The following MITF variants were observed in gnomAD, a reference collection of about 807,000 sequenced individuals.
MITF encodes microphthalmia-associated transcription factor.
Under a neutral mutation model 60.5 loss-of-function variants are expected in MITF, and 17 were observed. The observed-to-expected ratio is 0.28, with a 90% CI of 0.19 to 0.42. The LOEUF (loss-of-function observed/expected upper bound fraction) is 0.42, where lower values mean the gene tolerates loss of function less well. MITF is among the 10% of genes least tolerant of loss of function. The pLI, the probability that MITF is intolerant of heterozygous loss-of-function variation, is 1.00. For missense variants in MITF, 622 were observed against 683.5 expected, an observed-to-expected ratio of 0.91 and a Z score of 1.00; for synonymous variants, 260 against 248.5, an observed-to-expected ratio of 1.05 and a Z score of -0.43.
At chr3:69,858,752 A>G (rs1199935317) in intron 1 of MITF, among the ~76,000 whole-genome samples, 1 of 152,180 alleles carries the variant, frequency 6.6e-6, no homozygotes, top group African/African-American at 2.4e-5. Context: ...CTGAACTTAC[A>G]TGTATTTTGA....
intron 5 of MITF, among the ~76,000 whole-genome samples, chr3:69,943,860 G>T (rs2107498032): frequency 6.6e-6 from 1 of 152,236 alleles, no homozygotes; most frequent in East Asian, 1.9e-4. Flanking sequence ...GGAGGCTGAG[G>T]CAGGAGGATC....
intron 2 of MITF, among the ~76,000 whole-genome samples, chr3:69,907,971 T>C (rs2065137238): frequency 6.6e-6 from 1 of 152,234 alleles, no homozygotes; most frequent in Admixed American, 6.5e-5. Flanking sequence ...ATTTATTATT[T>C]TAAGAGTTTC....
chr3:69,815,048 A>G (rs2063159411), intron 1 of MITF, among the ~76,000 whole-genome samples: 1 of 152,200 alleles, frequency 6.6e-6, no homozygotes, highest in Non-Finnish European at 1.5e-5. Context: ...TTATAAAAAC[A>G]GATGCTAACC....
At chr3:69,811,755 A>G (rs1338436057) in intron 1 of MITF, among the ~76,000 whole-genome samples, 1 of 152,176 alleles carries the variant, frequency 6.6e-6, no homozygotes, top group Non-Finnish European at 1.5e-5. Flanking sequence ...CAAGGAAGGT[A>G]TGGGAGAGCT....
intron 7 of MITF, among the ~76,000 whole-genome samples, chr3:69,955,806 T>G (rs2066383234): frequency 6.6e-6 from 1 of 151,934 alleles, no homozygotes; most frequent in South Asian, 2.1e-4. Flanking sequence ...AGAGCAAGAC[T>G]CCGTCTCAAT....
At chr3:69,740,246 G>A (rs928755877) in intron 1 of MITF, among the ~76,000 whole-genome samples, 2 of 152,170 alleles carry the variant, frequency 1.3e-5, no homozygotes, top group Non-Finnish European at 2.9e-5. Flanking sequence ...CTGCAGGTGA[G>A]GTTTCTCTGG....
chr3:69,846,540 C>T (rs1395256341), intron 1 of MITF, among the ~76,000 whole-genome samples: 3 of 152,094 alleles, frequency 2.0e-5, no homozygotes, highest in South Asian at 2.1e-4. Context: ...CTTGGCCAGC[C>T]GCAGTGGCTC....
chr3:69,827,746 C>T (rs1476003195), intron 1 of MITF, among the ~76,000 whole-genome samples: 6 of 150,582 alleles, frequency 4.0e-5, no homozygotes, highest in African/African-American at 1.5e-4. Flanking sequence ...TTTTTTTGAC[C>T]TTCACATCAC....
intron 1 of MITF, among the ~76,000 whole-genome samples, chr3:69,877,936 G>A (rs2064391587): frequency 6.6e-6 from 1 of 152,108 alleles, no homozygotes; most frequent in Admixed American, 6.6e-5. Flanking sequence ...TGTTCCAGGT[G>A]CTAAGGTTTT....
At chr3:69,795,831 T>C (rs1277721473) in intron 1 of MITF, among the ~76,000 whole-genome samples, 1 of 152,220 alleles carries the variant, frequency 6.6e-6, no homozygotes, top group East Asian at 1.9e-4. Flanking sequence ...CAAAGGCACG[T>C]ATTTAAAAAA....
intron 1 of MITF, among the ~76,000 whole-genome samples, chr3:69,862,965 G>A (rs2064042913): frequency 6.6e-6 from 1 of 151,606 alleles, no homozygotes. Context: ...TTAGGATTTG[G>A]GTATCTCTCT....
At chr3:69,903,343 T>C (rs1280459408) in intron 2 of MITF, among the ~76,000 whole-genome samples, 1 of 152,172 alleles carries the variant, frequency 6.6e-6, no homozygotes, top group Non-Finnish European at 1.5e-5. Context: ...GAACATTAGA[T>C]CAATGAGCTC....
At chr3:69,836,659 A>G (rs2063545843) in intron 1 of MITF, among the ~76,000 whole-genome samples, 1 of 152,226 alleles carries the variant, frequency 6.6e-6, no homozygotes, top group African/African-American at 2.4e-5. Context: ...GTCCAGAGCC[A>G]GTTAGGACAG....
At chr3:69,754,783 T>A (rs2106780665) in intron 1 of MITF, among the ~76,000 whole-genome samples, 1 of 152,072 alleles carries the variant, frequency 6.6e-6, no homozygotes, top group South Asian at 2.1e-4. Flanking sequence ...ATGGGTAGAG[T>A]GCTCAGCCCA....
intron 1 of MITF, among the ~76,000 whole-genome samples, chr3:69,746,032 G>A (rs13318796): frequency 0.23 from 35,159 of 152,050 alleles, 4,461 homozygotes; most frequent in East Asian, 0.56. Flanking sequence ...CCAAAACAAA[G>A]TAGACAAGAT....
intron 1 of MITF, chr3:69,758,732 A>G: frequency 4.8e-6 from 1 of 206,604 alleles, no homozygotes; most frequent in Admixed American, 5.9e-5. Context: ...TAGATGGCTG[A>G]AGTGTTTCTG....
intron 1 of MITF, among the ~76,000 whole-genome samples, chr3:69,815,173 A>G (rs1402210475): frequency 1.3e-5 from 2 of 152,182 alleles, no homozygotes; most frequent in African/African-American, 2.4e-5. Flanking sequence ...GAATATTCCA[A>G]GGGTTCAGAG....
chr3:69,775,894 A>G (rs996519171), intron 1 of MITF, among the ~76,000 whole-genome samples: 1 of 152,226 alleles, frequency 6.6e-6, no homozygotes, highest in East Asian at 1.9e-4. Flanking sequence ...GTTCATATCA[A>G]AAGATGGGCT....
At chr3:69,869,588 C>A (rs1479521505) in intron 1 of MITF, among the ~76,000 whole-genome samples, 2 of 152,178 alleles carry the variant, frequency 1.3e-5, no homozygotes, top group Non-Finnish European at 2.9e-5. Context: ...AATTCACATT[C>A]TCTTCCCCAC....
Sources: allele counts gnomAD v4.1 joint callset (sites outside exome capture counted in the v4.1 genomes callset), GRCh38; gene constraint gnomAD v4.1.1; transcripts MANE v1.5; gene names NCBI Gene and HGNC (gene_info 2026-07-23, HGNC 2026-07-21).